PDGFC: variants seen among roughly 807,000 people sequenced by gnomAD.
PDGFC encodes the protein platelet-derived growth factor C.
In PDGFC, 12 loss-of-function variants were observed where a neutral mutation model predicts 35.5. That is an observed-to-expected ratio of 0.34 (90% CI 0.22 to 0.55). The LOEUF (loss-of-function observed/expected upper bound fraction) is 0.55. PDGFC is among the 20% of genes least tolerant of loss of function. The pLI, the probability that PDGFC is intolerant of heterozygous loss-of-function variation, is 0.91. For missense variants in PDGFC, 322 were observed against 412.4 expected (o/e 0.78, Z 1.90); for synonymous variants, 159 against 148.8 (o/e 1.07, Z -0.50).
At chr4:156,932,137 C>G (rs1169442180) in intron 1 of PDGFC, among the ~76,000 whole-genome samples, 3 of 152,114 alleles carry the variant, frequency 2.0e-5, no homozygotes, top group Non-Finnish European at 1.5e-5. Flanking sequence ...GAGTCTAATT[C>G]ACCTTCACAT....
At chr4:156,931,499 T>C (rs979188078) in intron 1 of PDGFC, among the ~76,000 whole-genome samples, 3 of 152,196 alleles carry the variant, frequency 2.0e-5, no homozygotes, top group Non-Finnish European at 4.4e-5. Flanking sequence ...GAGTCAACAG[T>C]GATTCTCTTT....
intron 1 of PDGFC, among the ~76,000 whole-genome samples, chr4:156,893,794 T>C (rs1461348106): frequency 2.6e-5 from 4 of 152,218 alleles, no homozygotes; most frequent in Non-Finnish European, 5.9e-5. Flanking sequence ...AATTATAATT[T>C]AGAAATTCAA....
intron 1 of PDGFC, among the ~76,000 whole-genome samples, chr4:156,941,216 A>C (rs1315256298): frequency 6.6e-6 from 1 of 152,128 alleles, no homozygotes; most frequent in African/African-American, 2.4e-5. Context: ...ATAGATAGAG[A>C]TCTGTGAGGT....
intron 1 of PDGFC, among the ~76,000 whole-genome samples, chr4:156,856,275 T>C (rs1195952706): frequency 2.0e-5 from 3 of 152,172 alleles, no homozygotes; most frequent in Admixed American, 6.5e-5. Context: ...TGTCCAGTTG[T>C]GGCTCCTGAG....
intron 2 of PDGFC, among the ~76,000 whole-genome samples, chr4:156,846,004 T>A (rs1211179266): frequency 6.6e-6 from 1 of 151,498 alleles, no homozygotes; most frequent in East Asian, 1.9e-4. Flanking sequence ...GACATAAAGA[T>A]GCAGCAGAAA....
At chr4:156,859,648 C>T (rs967256121) in intron 1 of PDGFC, among the ~76,000 whole-genome samples, 1 of 152,098 alleles carries the variant, frequency 6.6e-6, no homozygotes, top group Non-Finnish European at 1.5e-5. Flanking sequence ...CCCTACCCCA[C>T]ACTCCCAACC....
intron 1 of PDGFC, among the ~76,000 whole-genome samples, chr4:156,851,970 T>C (rs764379583): frequency 1.1e-4 from 15 of 140,572 alleles, no homozygotes; most frequent in South Asian, 4.3e-4. Flanking sequence ...CGTGTAAGGA[T>C]GCTAACTTCC....
chr4:156,838,035 A>G (rs546886611), intron 2 of PDGFC, among the ~76,000 whole-genome samples: 1 of 152,264 alleles, frequency 6.6e-6, no homozygotes, highest in African/African-American at 2.4e-5. Context: ...AAAGCTATAA[A>G]TTATGCCACT....
At chr4:156,807,233 C>G (rs2110933228) in intron 3 of PDGFC, among the ~76,000 whole-genome samples, 2 of 151,986 alleles carry the variant, frequency 1.3e-5, no homozygotes, top group Non-Finnish European at 2.9e-5. Flanking sequence ...AATTATGTAG[C>G]AATTCTAGTA....
At chr4:156,840,757 G>T (rs1310530272) in intron 2 of PDGFC, among the ~76,000 whole-genome samples, 7 of 152,306 alleles carry the variant, frequency 4.6e-5, no homozygotes, top group African/African-American at 1.7e-4. Flanking sequence ...AGCTGCCCAA[G>T]GCCATGCGAG....
intron 2 of PDGFC, among the ~76,000 whole-genome samples, chr4:156,839,227 A>G (rs1466843002): frequency 6.6e-6 from 1 of 152,176 alleles, no homozygotes; most frequent in East Asian, 1.9e-4. Context: ...CTTTTACATT[A>G]TGTCAGATAT....
chr4:156,916,250 G>C (rs1295416661), intron 1 of PDGFC, among the ~76,000 whole-genome samples: 1 of 151,966 alleles, frequency 6.6e-6, no homozygotes, highest in Non-Finnish European at 1.5e-5. Flanking sequence ...GTTGCAAAAG[G>C]GCCTCTCACC....
At chr4:156,850,126 A>C in intron 2 of PDGFC, 95 bp downstream of exon 2, 2 of 614,614 alleles carry the variant, frequency 3.3e-6, no homozygotes, top group South Asian at 7.9e-5. Flanking sequence ...AAATAAAACA[A>C]AAGATGTCAT....
chr4:156,815,333 C>T (rs1193640154), intron 2 of PDGFC, among the ~76,000 whole-genome samples: 1 of 123,230 alleles, frequency 8.1e-6, no homozygotes, highest in Non-Finnish European at 1.7e-5. Flanking sequence ...TACACACACA[C>T]ACACACACAC....
chr4:156,815,274 A>C (rs924884966), intron 2 of PDGFC, among the ~76,000 whole-genome samples: 2 of 151,790 alleles, frequency 1.3e-5, no homozygotes, highest in Admixed American at 1.3e-4. Context: ...CACACACAAT[A>C]ACTATTAAGA....
chr4:156,897,809 A>C (rs1248836596), intron 1 of PDGFC, among the ~76,000 whole-genome samples: 1 of 152,220 alleles, frequency 6.6e-6, no homozygotes, highest in African/African-American at 2.4e-5. Context: ...CACTCTGAAG[A>C]GAGCCCCTTT....
At chr4:156,968,630 C>G (rs1035928038) in intron 1 of PDGFC, among the ~76,000 whole-genome samples, 1 of 152,114 alleles carries the variant, frequency 6.6e-6, no homozygotes, top group Non-Finnish European at 1.5e-5. Flanking sequence ...GAAACATTTA[C>G]GTATAAAAAT....
chr4:156,927,319 G>A (rs1041744493), intron 1 of PDGFC, among the ~76,000 whole-genome samples: 6 of 152,060 alleles, frequency 3.9e-5, no homozygotes, highest in African/African-American at 9.7e-5. Context: ...GGTTAACATC[G>A]GGCTGCTTGT....
At chr4:156,928,907 T>C (rs2110869244) in intron 1 of PDGFC, among the ~76,000 whole-genome samples, 1 of 152,200 alleles carries the variant, frequency 6.6e-6, no homozygotes, top group East Asian at 1.9e-4. Context: ...AAGAGAACTG[T>C]CTGTTAACAA....
Sources: gnomAD v4.1 joint callset for allele counts (sites outside exome capture counted in the v4.1 genomes callset) on GRCh38, gnomAD v4.1.1 for gene constraint, MANE v1.5 for transcripts, NCBI Gene and HGNC (gene_info 2026-07-23, HGNC 2026-07-21) for gene names.